PCDHGB7: variants seen among roughly 807,000 people sequenced by gnomAD.
The protein encoded by PCDHGB7 is protocadherin gamma subfamily B, 7.
PCDHGB7 carries 37 observed loss-of-function variants against 61.4 expected under a neutral mutation model. That is an observed-to-expected ratio of 0.60 (90% confidence interval 0.46 to 0.79). The LOEUF is 0.79. Ranked by LOEUF, PCDHGB7 falls within the 30% of genes least tolerant of loss-of-function variation. The pLI is 0.00. For synonymous variants in PCDHGB7, 464 were observed against 503.5 expected, an observed-to-expected ratio of 0.92 and a Z score of 1.05; for missense variants, 1,166 against 1,202.5, an observed-to-expected ratio of 0.97 and a Z score of 0.45.
intron 1 of PCDHGB7, among the ~76,000 whole-genome samples, chr5:141,434,616 T>C (rs911085192): frequency 1.3e-5 from 2 of 152,204 alleles, no homozygotes; most frequent in East Asian, 1.9e-4. Context: ...TCCGCCCATC[T>C]CTTCGTTTCC....
Position 141,418,795 on chromosome 5 carries a change from A to G in PCDHGB7, c.936A>G (p.Val312=), listed in dbSNP as rs373690093. The G allele has an allele frequency of 6.8e-6, 11 of 1,613,740 alleles. No homozygotes were observed. The African/African-American group carries it at 1.5e-4, about 22-fold the overall frequency. Residue 312 remains valine (V), a synonymous_variant, in exon 1 of 4, where the codon GTA becomes GTG. Transcript: ENST00000398594. Reference sequence around the variant, plus strand: ...AGCAGCCTTTGGATTTTGAAGAAGTAGAAAGATATACGATAAACATAGAAG... The same window carrying G: ...AGCAGCCTTTGGATTTTGAAGAAGTGGAAAGATATACGATAAACATAGAAG... The part of the protein sequence containing the change: ...LTQQPLDFEE[V]ERYTINIEAK...
chr5:141,471,879 G>A (rs1027572395), intron 1 of PCDHGB7, among the ~76,000 whole-genome samples: 7 of 152,218 alleles, frequency 4.6e-5, no homozygotes, highest in African/African-American at 1.7e-4. Context: ...GCCTGAGGCT[G>A]AAGCTAGGAA....
intron 1 of PCDHGB7, chr5:141,423,757 G>A: frequency 5.1e-6 from 2 of 395,134 alleles, no homozygotes; most frequent in Non-Finnish European, 7.1e-6. Flanking sequence ...GTTTGGGGGG[G>A]GGGTGGGGCG....
chr5:141,467,203 C>T (rs896621746), intron 1 of PCDHGB7, among the ~76,000 whole-genome samples: 1 of 152,052 alleles, frequency 6.6e-6, no homozygotes, highest in African/African-American at 2.4e-5. Flanking sequence ...CAGGCACATG[C>T]CACCATGCCT....
intron 1 of PCDHGB7, among the ~76,000 whole-genome samples, chr5:141,434,860 A>G (rs2097723622): frequency 6.6e-6 from 1 of 151,982 alleles, no homozygotes; most frequent in African/African-American, 2.4e-5. Flanking sequence ...ATAAATTTAT[A>G]TATATGTGAC....
At chr5:141,449,264 C>CTG (rs2098633558) in intron 1 of PCDHGB7, among the ~76,000 whole-genome samples, 1 of 152,056 alleles carries the variant, frequency 6.6e-6, no homozygotes, top group African/African-American at 2.4e-5. Context: ...GTACAAAGAA[C>CTG]TGTATCTCCT....
At chr5:141,494,937 G>A (rs759078748) in intron 2 of PCDHGB7, 72 bp downstream of exon 2, 130 of 1,612,276 alleles carry the variant, frequency 8.1e-5, no homozygotes, top group Non-Finnish European at 1.1e-4. Context: ...GAGGAGATGG[G>A]GGAGGGCCCA....
intron 1 of PCDHGB7, among the ~76,000 whole-genome samples, chr5:141,434,579 A>T (rs931282309): frequency 6.6e-6 from 1 of 152,232 alleles, no homozygotes; most frequent in African/African-American, 2.4e-5. Context: ...CCTGCTGCAG[A>T]TAACTACCTC....
At chr5:141,478,444 T>C (rs1190996745) in intron 1 of PCDHGB7, 1 of 1,613,478 alleles carries the variant, frequency 6.2e-7, no homozygotes, top group Non-Finnish European at 8.5e-7. Flanking sequence ...TGAAGAAACC[T>C]GGTGCAGCCA....
intron 1 of PCDHGB7, among the ~76,000 whole-genome samples, chr5:141,453,357 C>T (rs1027586816): frequency 1.3e-5 from 2 of 152,002 alleles, no homozygotes; most frequent in Admixed American, 6.6e-5. Flanking sequence ...TGACCCTGAA[C>T]TCCTGGGGTC....
chr5:141,447,541 A>G (rs2098542324), intron 1 of PCDHGB7, among the ~76,000 whole-genome samples: 1 of 152,218 alleles, frequency 6.6e-6, no homozygotes, highest in Non-Finnish European at 1.5e-5. Flanking sequence ...TTGGGTTTTA[A>G]TGTTATGAGT....
chr5:141,440,793 C>T (rs1448130354), intron 1 of PCDHGB7: 1 of 152,124 alleles, frequency 6.6e-6, no homozygotes, highest in Non-Finnish European at 1.5e-5. Context: ...TAGACGGCCC[C>T]CCAACAAAGC....
At chr5:141,509,094 T>C (rs1038935185) in intron 3 of PCDHGB7, among the ~76,000 whole-genome samples, 4 of 152,152 alleles carry the variant, frequency 2.6e-5, no homozygotes, top group African/African-American at 9.7e-5. Context: ...AAATGGGGGC[T>C]GTAGAAACCT....
Position 141,478,120 on chromosome 5 carries a change from G to A in PCDHGB7, c.2416-16687G>A, listed in dbSNP as rs772548778. 3.1e-6 allele frequency: 5 copies of A among 1,613,948 alleles called. No homozygotes were observed. In the Admixed American group the frequency reaches 6.7e-5, roughly 22 times the overall value. ...CTACCCTCACTGTGTCAGTAACCGA[G>A]GACTCTCCTGAAGCCCGAGCCGAGT... On this transcript the variant is annotated intron_variant, in intron 1 of 3. Coordinates refer to ENST00000398594, the MANE Select transcript of PCDHGB7 (RefSeq NM_018927.4).
chr5:141,489,334 C>T lies in PCDHGB7; in HGVS notation c.2416-5473C>T, dbSNP rs768635851. On this transcript the variant is annotated intron_variant, in intron 1 of 3. Transcript: ENST00000398594. This position sits in a 1 kb window ranked among gnomAD's most constrained non-coding sequence, Gnocchi z 4.5. ...CTGGGGCTGGGTGTCTGGGCAGCTTCGTTACTCAGTGGTGGAGGAGTCTGA... is the reference window on the plus strand; with the variant it reads ...CTGGGGCTGGGTGTCTGGGCAGCTTTGTTACTCAGTGGTGGAGGAGTCTGA... The T allele has an allele frequency of 3.7e-6, 6 of 1,606,732 alleles. No individual in the cohort carries two copies. The highest frequency in any genetic ancestry group is 1.1e-5 in the South Asian group (1 of 90,048).
rs70988802 is a variant in PCDHGB7 at position 141,450,006 on chromosome 5, C to CTA, written c.2415+29733_2415+29734insAT. ...CACATTGCATTTAGTTGCCATGTCT[C>CTA]TTTTTTTTTTTTTTTTTTGAGACAG... On this transcript the variant is annotated intron_variant, in intron 1 of 3. Coordinates refer to ENST00000398594, the MANE Select transcript of PCDHGB7 (RefSeq NM_018927.4). Among the ~76,000 whole-genome samples the CTA allele has an allele frequency of 6.0e-5, 8 of 132,986 alleles. 1 individual carries two copies. The highest frequency in any genetic ancestry group is 9.5e-5 in the Non-Finnish European group (6 of 62,926). The allele number at this position is 132,986 out of a possible 152,430, so 87.2% of individuals were successfully genotyped here. A position where few individuals can be genotyped will look rare whatever the true frequency, so the allele number is the denominator to read the frequency against.
intron 1 of PCDHGB7, among the ~76,000 whole-genome samples, chr5:141,458,512 TG>T (rs995261761): frequency 1.3e-5 from 2 of 150,194 alleles, no homozygotes; most frequent in East Asian, 1.9e-4. Flanking sequence ...TTTGACACTT[TG>T]TTTTTTTTTT....
chr5:141,471,926 G>A (rs2099266798), intron 1 of PCDHGB7, among the ~76,000 whole-genome samples: 2 of 152,110 alleles, frequency 1.3e-5, no homozygotes. Flanking sequence ...AATTTTGGGG[G>A]TGATGAGAGT....
At chr5:141,468,402 T>A (rs2154569909) in intron 1 of PCDHGB7, 1 of 150,014 alleles carries the variant, frequency 6.7e-6, no homozygotes, top group East Asian at 2.0e-4. Context: ...TGGTGAGAAC[T>A]AATAATAAGT....
Sources: gnomAD v4.1 joint callset for allele counts (sites outside exome capture counted in the v4.1 genomes callset) on GRCh38, gnomAD v4.1.1 for gene constraint, Gnocchi (gnomAD v3.1) non-coding constraint, MANE v1.5 for transcripts, NCBI Gene and HGNC (gene_info 2026-07-23, HGNC 2026-07-21) for gene names.